Variants in BCL2L1 observed in about 807,000 individuals in gnomAD.
BCL2L1 encodes BCL2 like 1.
Under a neutral mutation model 18.7 loss-of-function variants are expected in BCL2L1, and 1 was observed. The observed-to-expected ratio is 0.05, with a 90% confidence interval of 0.02 to 0.25. The LOEUF (loss-of-function observed/expected upper bound fraction) is 0.25, where lower values mean the gene tolerates loss of function less well. Ranked by LOEUF, BCL2L1 falls within the 10% of genes least tolerant of loss-of-function variation. BCL2L1 has a pLI of 1.00. For missense variants in BCL2L1, 207 were observed against 304.9 expected (o/e 0.68, Z 2.39); for synonymous variants, 103 against 122.7 (o/e 0.84, Z 1.06).
intron 2 of BCL2L1, among the ~76,000 whole-genome samples, chr20:31,709,690 C>G (rs999410476): frequency 6.6e-6 from 1 of 151,592 alleles, no homozygotes; most frequent in African/African-American, 2.4e-5. Context: ...AAAAAATTAG[C>G]CGGGCCTGGT....
intron 2 of BCL2L1, among the ~76,000 whole-genome samples, chr20:31,672,412 C>A (rs1474719580): frequency 6.7e-6 from 1 of 150,014 alleles, no homozygotes; most frequent in African/African-American, 2.5e-5. Flanking sequence ...TGCAGTGAGC[C>A]AAGATCACAT....
intron 2 of BCL2L1, among the ~76,000 whole-genome samples, chr20:31,691,565 TAAAC>T (rs985310285): frequency 2.1e-5 from 3 of 143,636 alleles, no homozygotes; most frequent in Non-Finnish European, 4.6e-5. Flanking sequence ...TAAAATAAAA[TAAAC>T]AGGCTGGGTG....
chr20:31,675,617 G>A (rs1330796801), intron 2 of BCL2L1, among the ~76,000 whole-genome samples: 1 of 152,108 alleles, frequency 6.6e-6, no homozygotes, highest in African/African-American at 2.4e-5. Flanking sequence ...CGGAAACATA[G>A]GCCTGGAGGT....
intron 2 of BCL2L1, among the ~76,000 whole-genome samples, chr20:31,714,767 C>T (rs887768356): frequency 2.6e-5 from 4 of 152,168 alleles, no homozygotes; most frequent in African/African-American, 9.7e-5. Flanking sequence ...TCCCAAAGAA[C>T]ATCTATCTTA....
chr20:31,710,698 G>A (rs1229511071), intron 2 of BCL2L1, among the ~76,000 whole-genome samples: 2 of 152,212 alleles, frequency 1.3e-5, no homozygotes, highest in Non-Finnish European at 2.9e-5. Context: ...CAGTCAGGTG[G>A]GCTCAACTTC....
intron 2 of BCL2L1, among the ~76,000 whole-genome samples, chr20:31,680,554 G>C (rs983269956): frequency 3.3e-5 from 5 of 152,172 alleles, no homozygotes; most frequent in Non-Finnish European, 5.9e-5. Context: ...CGTAGCTTTG[G>C]TGAAGCTATT....
At chr20:31,680,406 G>A (rs2060839496) in intron 2 of BCL2L1, among the ~76,000 whole-genome samples, 1 of 152,176 alleles carries the variant, frequency 6.6e-6, no homozygotes, top group Non-Finnish European at 1.5e-5. Flanking sequence ...GTGCCTTGAG[G>A]GGTGAGAAAG....
At chr20:31,693,383 G>A (rs2061115792) in intron 2 of BCL2L1, among the ~76,000 whole-genome samples, 1 of 152,018 alleles carries the variant, frequency 6.6e-6, no homozygotes, top group Non-Finnish European at 1.5e-5. Context: ...AGAGGTTTGA[G>A]GCTGAAGTGA....
At chr20:31,701,294 T>C in intron 2 of BCL2L1, among the ~76,000 whole-genome samples, 1 of 152,170 alleles carries the variant, frequency 6.6e-6, no homozygotes, top group East Asian at 1.9e-4. Context: ...CCTCATGATC[T>C]GCCCACCTTG....
At chr20:31,677,273 C>G (rs528625804) in intron 2 of BCL2L1, among the ~76,000 whole-genome samples, 2 of 151,872 alleles carry the variant, frequency 1.3e-5, no homozygotes, top group African/African-American at 4.8e-5. Context: ...CCTCTGCCTC[C>G]CACGTTCAAG....
At chr20:31,709,562 G>A (rs1202836637) in intron 2 of BCL2L1, among the ~76,000 whole-genome samples, 2 of 151,910 alleles carry the variant, frequency 1.3e-5, no homozygotes, top group Non-Finnish European at 2.9e-5. Context: ...AGCCGGGTGC[G>A]GTGGCTCATG....
intron 2 of BCL2L1, among the ~76,000 whole-genome samples, chr20:31,711,040 G>A (rs1359985938): frequency 6.6e-6 from 1 of 152,146 alleles, no homozygotes; most frequent in African/African-American, 2.4e-5. Flanking sequence ...TGTTACTGTG[G>A]ACACATTAGG....
At chr20:31,696,296 T>C (rs1054658255) in intron 2 of BCL2L1, among the ~76,000 whole-genome samples, 9 of 152,160 alleles carry the variant, frequency 5.9e-5, no homozygotes, top group African/African-American at 2.2e-4. Context: ...GCTGCCTGAG[T>C]GTCCTTGGCT....
At chr20:31,698,313 G>C (rs1460764496) in intron 2 of BCL2L1, among the ~76,000 whole-genome samples, 1 of 152,134 alleles carries the variant, frequency 6.6e-6, no homozygotes, top group Non-Finnish European at 1.5e-5. Context: ...TGTGTTCATA[G>C]CTCACTGCAG....
intron 2 of BCL2L1, chr20:31,713,475 G>A: frequency 1.0e-6 from 1 of 985,360 alleles, no homozygotes. Flanking sequence ...GCAGTCCATG[G>A]AAGTCATCGC....
chr20:31,688,907 A>G (rs750462440), intron 2 of BCL2L1, among the ~76,000 whole-genome samples: 19 of 152,174 alleles, frequency 1.2e-4, no homozygotes, highest in Non-Finnish European at 2.5e-4. Flanking sequence ...TTTGCATCCT[A>G]TGACAACAAA....
chr20:31,672,173 T>C (rs1453854344), intron 2 of BCL2L1, among the ~76,000 whole-genome samples: 2 of 151,060 alleles, frequency 1.3e-5, no homozygotes, highest in South Asian at 2.1e-4. Flanking sequence ...TGACAGAGAA[T>C]ATCTGGGGGA....
At chr20:31,696,007 T>G (rs2061162523) in intron 2 of BCL2L1, among the ~76,000 whole-genome samples, 1 of 152,290 alleles carries the variant, frequency 6.6e-6, no homozygotes, top group South Asian at 2.1e-4. Context: ...CTCGAACTCC[T>G]GGGCTCAAGC....
chr20:31,698,311 T>C (rs927951673), intron 2 of BCL2L1, among the ~76,000 whole-genome samples: 1 of 152,102 alleles, frequency 6.6e-6, no homozygotes, highest in African/African-American at 2.4e-5. Flanking sequence ...GATGTGTTCA[T>C]AGCTCACTGC....
Sources: gnomAD v4.1 joint callset for allele counts (sites outside exome capture counted in the v4.1 genomes callset) on GRCh38, gnomAD v4.1.1 for gene constraint, MANE v1.5 for transcripts, NCBI Gene and HGNC (gene_info 2026-07-23, HGNC 2026-07-21) for gene names.